Variants in STAG1 observed in about 807,000 individuals in gnomAD.
STAG1 encodes cohesin subunit SA-1.
STAG1 carries 26 observed loss-of-function variants against 170.9 expected under a neutral mutation model. The observed-to-expected ratio is 0.15, with a 90% confidence interval of 0.11 to 0.21. The LOEUF (loss-of-function observed/expected upper bound fraction) is 0.21. STAG1 is among the 10% of genes least tolerant of loss of function. The probability of loss-of-function intolerance (pLI) is 1.00; values close to 1 mark genes in which losing one functional copy is unlikely to be tolerated. For synonymous variants in STAG1, 514 were observed against 497.7 expected, an observed-to-expected ratio of 1.03 and a Z score of -0.44; for missense variants, 964 against 1,509.5, an observed-to-expected ratio of 0.64 and a Z score of 5.99.
chr3:136,603,981 T>C lies in STAG1; in HGVS notation c.297+328A>G, dbSNP rs1938813811. Among the ~76,000 whole-genome samples, 4 of 152,266 alleles carry C rather than the reference T, an allele frequency of 2.6e-5. No individual in the cohort carries two copies. The South Asian group carries it at 8.3e-4, about 32-fold the overall frequency. On this transcript the variant is annotated intron_variant, in intron 4 of 33. Transcript: ENST00000383202. ...TTAAGAATTCTTTTTTTATATCCCTTCTTCTTTCAAATACTCTGAAAGACA... is the reference window on the plus strand; with the variant it reads ...TTAAGAATTCTTTTTTTATATCCCTCCTTCTTTCAAATACTCTGAAAGACA...
chr3:136,552,628 T>C (rs933634112), intron 5 of STAG1, among the ~76,000 whole-genome samples: 23 of 152,160 alleles, frequency 1.5e-4, no homozygotes, highest in African/African-American at 4.6e-4. Flanking sequence ...AAGAAATAAC[T>C]CTATAAAGTG....
chr3:136,629,140 A>G (rs1056922190), intron 2 of STAG1, among the ~76,000 whole-genome samples: 1 of 152,224 alleles, frequency 6.6e-6, no homozygotes, highest in Non-Finnish European at 1.5e-5. Context: ...TAATGTCAAT[A>G]CAAACTCATG....
At chr3:136,462,995 G>A (rs931603764) in intron 13 of STAG1, among the ~76,000 whole-genome samples, 8 of 151,976 alleles carry the variant, frequency 5.3e-5, no homozygotes, top group East Asian at 1.9e-4. Flanking sequence ...CTAAAAACAC[G>A]AAGTTCTTTG....
At chr3:136,541,538 T>TCACACACACACACTCACACACA in intron 6 of STAG1, among the ~76,000 whole-genome samples, 1 of 123,216 alleles carries the variant, frequency 8.1e-6, no homozygotes, top group Non-Finnish European at 1.7e-5. Context: ...AGCTTAACAT[T>TCACACACACACACTCACACACA]CACACACACA....
chr3:136,748,681 T>G (rs947581116), intron 1 of STAG1, among the ~76,000 whole-genome samples: 1 of 152,162 alleles, frequency 6.6e-6, no homozygotes, highest in African/African-American at 2.4e-5. Flanking sequence ...GGATTACAGG[T>G]GTCAGCCACT....
At chr3:136,567,010 T>G (rs1937100751) in intron 5 of STAG1, among the ~76,000 whole-genome samples, 1 of 152,282 alleles carries the variant, frequency 6.6e-6, no homozygotes, top group Non-Finnish European at 1.5e-5. Flanking sequence ...CCTATAGGTA[T>G]GAAAATTAGA....
chr3:136,339,507 GCGAGACTCCATCT>G (rs1181613196), intron 32 of STAG1, among the ~76,000 whole-genome samples: 2 of 152,298 alleles, frequency 1.3e-5, no homozygotes. Flanking sequence ...TGGCAACAGA[GCGAGACTCCATCT>G]CTAAATAAAT....
intron 4 of STAG1, among the ~76,000 whole-genome samples, chr3:136,603,886 C>CA (rs895641411): frequency 1.8e-4 from 27 of 149,306 alleles, no homozygotes; most frequent in South Asian, 1.5e-3. Flanking sequence ...GACTCTGTCT[C>CA]AAAAAAAAAG....
At chr3:136,663,748 G>C (rs996058842) in intron 1 of STAG1, among the ~76,000 whole-genome samples, 1 of 152,068 alleles carries the variant, frequency 6.6e-6, no homozygotes, top group Non-Finnish European at 1.5e-5. Context: ...GGTAACAACA[G>C]AAAGCTGTTT....
intron 2 of STAG1, among the ~76,000 whole-genome samples, chr3:136,628,754 G>A (rs535868010): frequency 2.0e-5 from 3 of 152,282 alleles, no homozygotes; most frequent in African/African-American, 7.2e-5. Flanking sequence ...TTTGCAAAAA[G>A]AACTAAGTCT....
intron 2 of STAG1, among the ~76,000 whole-genome samples, chr3:136,629,936 A>G (rs924783269): frequency 6.6e-6 from 1 of 152,084 alleles, no homozygotes; most frequent in Non-Finnish European, 1.5e-5. Context: ...TGACTCATGC[A>G]TGTAATCCCG....
At chr3:136,493,335 C>T (rs747797548) in intron 9 of STAG1, among the ~76,000 whole-genome samples, 1 of 151,716 alleles carries the variant, frequency 6.6e-6, no homozygotes, top group Non-Finnish European at 1.5e-5. Flanking sequence ...AGAGTAAAAC[C>T]CTGTCTCAAA....
At chr3:136,360,999 T>C (rs1349563068) in intron 26 of STAG1, among the ~76,000 whole-genome samples, 1 of 152,218 alleles carries the variant, frequency 6.6e-6, no homozygotes. Context: ...GTATATACAA[T>C]AGCCTTAAAC....
At chr3:136,425,396 TATGTGTAC>T (rs1328395763) in intron 16 of STAG1, among the ~76,000 whole-genome samples, 1 of 152,160 alleles carries the variant, frequency 6.6e-6, no homozygotes, top group Non-Finnish European at 1.5e-5. Flanking sequence ...TATATATCTG[TATGTGTAC>T]ATGCCTTTAC....
At chr3:136,607,714 T>C (rs1939035612) in intron 3 of STAG1, among the ~76,000 whole-genome samples, 1 of 152,236 alleles carries the variant, frequency 6.6e-6, no homozygotes, top group South Asian at 2.1e-4. Context: ...AATTCAATAC[T>C]GTTTTACTTT....
intron 4 of STAG1, among the ~76,000 whole-genome samples, chr3:136,573,744 G>C (rs909205507): frequency 3.9e-5 from 6 of 152,028 alleles, no homozygotes; most frequent in African/African-American, 1.4e-4. Flanking sequence ...AGGCCGAAGC[G>C]GGCGGATCAC....
chr3:136,477,432 A>G lies in STAG1; in HGVS notation c.903-20T>C. On this transcript the variant is annotated intron_variant, in intron 9 of 33. Transcript: ENST00000383202. ...GCATCACTAGAGAGAGAAAAAAAAG[A>G]CAATCTCAAATTAATATACAAAGCT... is the stretch of plus-strand genomic sequence containing the variant. 3 of 1,583,900 alleles carry G rather than the reference A, an allele frequency of 1.9e-6. No homozygotes were observed. The highest frequency in any genetic ancestry group is 2.6e-6 in the Non-Finnish European group (3 of 1,169,342).
chr3:136,475,913 G>A (rs2089737343), intron 10 of STAG1, among the ~76,000 whole-genome samples: 2 of 152,156 alleles, frequency 1.3e-5, no homozygotes, highest in Admixed American at 6.5e-5. Flanking sequence ...GAGAACTGAT[G>A]ATACTAAAGA....
At chr3:136,557,670 G>C (rs1173174493) in intron 5 of STAG1, among the ~76,000 whole-genome samples, 1 of 152,062 alleles carries the variant, frequency 6.6e-6, no homozygotes, top group Non-Finnish European at 1.5e-5. Flanking sequence ...AGCCTCCTGA[G>C]TAGCTGGGAT....
Sources: allele counts gnomAD v4.1 joint callset (sites outside exome capture counted in the v4.1 genomes callset), GRCh38; gene constraint gnomAD v4.1.1; transcripts MANE v1.5; gene names NCBI Gene and HGNC (gene_info 2026-07-23, HGNC 2026-07-21).